The following NAA25 variants were observed in gnomAD, a reference collection of about 807,000 sequenced individuals.
NAA25 encodes N-terminal acetyltransferase B complex subunit NAA25.
In NAA25, 30 loss-of-function variants were observed where a neutral mutation model predicts 132.5. That is an observed-to-expected ratio of 0.23 (90% confidence interval 0.17 to 0.31). The LOEUF is 0.31. Among genes scored for constraint, NAA25 ranks in the 10% least tolerant of loss-of-function variants. The pLI is 1.00. For synonymous variants in NAA25, 359 were observed against 401.9 expected (o/e 0.89, Z 1.28); for missense variants, 771 against 1,150.4 (o/e 0.67, Z 4.77).
intron 4 of NAA25, among the ~76,000 whole-genome samples, chr12:112,084,720 G>T (rs1311348200): frequency 6.6e-6 from 1 of 152,138 alleles, no homozygotes; most frequent in African/African-American, 2.4e-5. Flanking sequence ...TTGAACCTGG[G>T]AGGTGGAGGT....
At chr12:112,093,690 G>A (rs1334224798) in intron 1 of NAA25, among the ~76,000 whole-genome samples, 1 of 152,148 alleles carries the variant, frequency 6.6e-6, no homozygotes, top group East Asian at 1.9e-4. Context: ...GACCAGCTCT[G>A]ACAACTTAGT....
chr12:112,027,780 A>C lies in NAA25; in HGVS notation c.*1751T>G, dbSNP rs754944481. ...CCACCCTCCCCAGCAGACACACACA[A>C]AGTTCCATCTTAAACAGGCCATAGT... is the stretch of plus-strand genomic sequence containing the variant. On this transcript the variant is annotated 3_prime_UTR_variant, in exon 24 of 24. Transcript: ENST00000261745. The C allele has an allele frequency of 5.3e-5, 8 of 152,224 alleles. No individual in the cohort carries two copies. Among genetic ancestry groups the C allele is most frequent in the Non-Finnish European group, 1.2e-4 (8 of 68,026 alleles). The allele number at this position is 152,224 out of a possible 1,614,324, so 9.4% of individuals were successfully genotyped here. A position where few individuals can be genotyped will look rare whatever the true frequency, so the allele number is the denominator to read the frequency against.
chr12:112,097,624 AAG>A (rs2079233352), intron 1 of NAA25, among the ~76,000 whole-genome samples: 1 of 151,696 alleles, frequency 6.6e-6, no homozygotes, highest in Non-Finnish European at 1.5e-5. Flanking sequence ...AAAAAAAAAA[AAG>A]AGTTGTCTCT....
intron 20 of NAA25, among the ~76,000 whole-genome samples, chr12:112,041,312 C>G (rs376628453): frequency 6.6e-6 from 1 of 151,880 alleles, no homozygotes; most frequent in Non-Finnish European, 1.5e-5. Context: ...CTCAGCCTCC[C>G]GAGTAGCTGG....
intron 7 of NAA25, among the ~76,000 whole-genome samples, chr12:112,077,303 T>G (rs1593805451): frequency 6.6e-6 from 1 of 151,890 alleles, no homozygotes; most frequent in East Asian, 1.9e-4. Context: ...TGAAACCCCG[T>G]CTCTACTAAA....
chr12:112,096,623 A>G (rs1025045208), intron 1 of NAA25, among the ~76,000 whole-genome samples: 2 of 152,210 alleles, frequency 1.3e-5, no homozygotes, highest in African/African-American at 2.4e-5. Context: ...AGAATCACAG[A>G]TATCTAAAAG....
intron 1 of NAA25, among the ~76,000 whole-genome samples, chr12:112,100,189 G>A (rs761203549): frequency 6.6e-6 from 1 of 152,194 alleles, no homozygotes; most frequent in Non-Finnish European, 1.5e-5. Flanking sequence ...TTATGACAGA[G>A]TCTTGCTCTG....
chr12:112,066,703 C>CTGTGGT (rs2078723678), intron 11 of NAA25, among the ~76,000 whole-genome samples: 1 of 152,184 alleles, frequency 6.6e-6, no homozygotes, highest in African/African-American at 2.4e-5. Flanking sequence ...AGCCCTATAA[C>CTGTGGT]CACAGCAACT....
At chr12:112,090,998 C>T (rs1457867764) in intron 2 of NAA25, 134 bp from the exon 3 acceptor site, 3 of 797,300 alleles carry the variant, frequency 3.8e-6, no homozygotes, top group African/African-American at 1.8e-5. Context: ...CTGGGTGCGG[C>T]GGCTCACATC....
chr12:112,085,285 G>C (rs139524674), intron 4 of NAA25, among the ~76,000 whole-genome samples: 1 of 151,126 alleles, frequency 6.6e-6, no homozygotes, highest in African/African-American at 2.4e-5. Flanking sequence ...CCAGCTACTC[G>C]GGAGGCAGAG....
intron 1 of NAA25, among the ~76,000 whole-genome samples, 190 bp downstream of exon 1, chr12:112,108,526 C>A (rs1424333229): frequency 1.3e-5 from 2 of 151,954 alleles, no homozygotes; most frequent in East Asian, 1.9e-4. Flanking sequence ...CACTACCACC[C>A]CAAGGCTGAG....
rs573433503 is a variant in NAA25, at chr12:112,080,735, G to A, written c.477+325C>T. ...AGGATGGTCTCGATTTCCTGACCTC[G>A]TGATCCACCCACCTTGGCCTCCCAA... On this transcript the variant is annotated intron_variant, in intron 5 of 23. Transcript: ENST00000261745. Among the ~76,000 whole-genome samples the A allele has an allele frequency of 3.9e-5, 6 of 152,166 alleles. No individual in the cohort carries two copies. The South Asian group carries it at 8.3e-4, about 21-fold the overall frequency.
intron 17 of NAA25, among the ~76,000 whole-genome samples, chr12:112,047,327 G>A (rs2078401003): frequency 6.6e-6 from 1 of 151,410 alleles, no homozygotes; most frequent in South Asian, 2.1e-4. Context: ...CGCTCCCTGG[G>A]TTCAAACAAT....
intron 16 of NAA25, 64 bp downstream of exon 16, chr12:112,048,228 A>G: frequency 6.6e-7 from 1 of 1,508,120 alleles, no homozygotes; most frequent in Non-Finnish European, 9.0e-7. Context: ...CCATGAGCCC[A>G]TTAATGGCTC....
chr12:112,074,095 G>A (rs2078857499), intron 9 of NAA25, among the ~76,000 whole-genome samples: 2 of 152,006 alleles, frequency 1.3e-5, no homozygotes, highest in South Asian at 4.2e-4. Context: ...CACTTTGGGA[G>A]GCTGAGATGC....
chr12:112,050,760 A>T (rs1379761250), intron 15 of NAA25, among the ~76,000 whole-genome samples: 2 of 152,234 alleles, frequency 1.3e-5, no homozygotes, highest in Non-Finnish European at 2.9e-5. Flanking sequence ...TAAAGATATG[A>T]AAATCTAGTG....
chr12:112,071,441 C>T (rs1216167478), intron 10 of NAA25, among the ~76,000 whole-genome samples: 1 of 152,174 alleles, frequency 6.6e-6, no homozygotes, highest in Non-Finnish European at 1.5e-5. Context: ...AAGAGACTCT[C>T]CTGCCTCAGC....
At chr12:112,104,113 AAGT>A (rs1179434507) in intron 1 of NAA25, among the ~76,000 whole-genome samples, 3 of 152,194 alleles carry the variant, frequency 2.0e-5, no homozygotes, top group Non-Finnish European at 4.4e-5. Context: ...CTCAGCAAAG[AAGT>A]GACTGTCACC....
chr12:112,091,521 C>T (rs1442309070), intron 2 of NAA25, among the ~76,000 whole-genome samples: 1 of 152,122 alleles, frequency 6.6e-6, no homozygotes. Context: ...GGTGAGATCC[C>T]ATTTTTACAA....
Sources: gnomAD v4.1 joint callset for allele counts (sites outside exome capture counted in the v4.1 genomes callset) on GRCh38, gnomAD v4.1.1 for gene constraint, MANE v1.5 for transcripts, NCBI Gene and HGNC (gene_info 2026-07-23, HGNC 2026-07-21) for gene names.